The following CAMK2A variants were observed in gnomAD, a reference collection of about 807,000 sequenced individuals.
CAMK2A encodes calcium/calmodulin-dependent protein kinase type II subunit alpha.
A neutral mutation model predicts 79.2 loss-of-function variants in CAMK2A; 7 were observed. That is an observed-to-expected ratio of 0.09 (90% CI 0.05 to 0.17). The LOEUF is 0.17. CAMK2A is among the 10% of genes least tolerant of loss of function. The probability of loss-of-function intolerance (pLI) is 1.00; values close to 1 mark genes in which losing one functional copy is unlikely to be tolerated. For synonymous variants in CAMK2A, 242 were observed against 251.7 expected (o/e 0.96, Z 0.36); for missense variants, 214 against 646.4 (o/e 0.33, Z 7.25).
intron 15 of CAMK2A, among the ~76,000 whole-genome samples, chr5:150,233,810 T>C (rs1754947106): frequency 6.6e-6 from 1 of 152,220 alleles, no homozygotes; most frequent in East Asian, 1.9e-4. Context: ...TGTTTGTTTG[T>C]TTTTTGTTTT....
intron 14 of CAMK2A, among the ~76,000 whole-genome samples, chr5:150,239,137 G>T (rs1755225467): frequency 6.6e-6 from 1 of 152,150 alleles, no homozygotes; most frequent in South Asian, 2.1e-4. Flanking sequence ...CCCAGTGTGA[G>T]AGATGGTGGG....
intron 3 of CAMK2A, among the ~76,000 whole-genome samples, chr5:150,259,069 A>G (rs574949689): frequency 4.0e-5 from 6 of 151,880 alleles, no homozygotes; most frequent in African/African-American, 1.4e-4. Context: ...AATCCCAGCT[A>G]CTCCAGAGGC....
chr5:150,222,478 C>T lies in CAMK2A; in HGVS notation c.*232G>A. ...CACCCATGCCTGAGGAAGCCCCAGC[C>T]TGGCAGGGGAGAGGGTGGGGGTGAG... On this transcript the variant is annotated 3_prime_UTR_variant, in exon 19 of 19. Transcript: ENST00000671881. 1.4e-6 allele frequency: 1 copy of T among 703,736 alleles called. No individual in the cohort carries two copies. Among genetic ancestry groups the T allele is most frequent in the Non-Finnish European group, 2.6e-6 (1 of 385,830 alleles). The allele number at this position is 703,736 out of a possible 1,614,324, so 43.6% of individuals were successfully genotyped here.
At chr5:150,246,548 C>G (rs1359146584) in intron 12 of CAMK2A, among the ~76,000 whole-genome samples, 1 of 152,220 alleles carries the variant, frequency 6.6e-6, no homozygotes, top group Non-Finnish European at 1.5e-5. Context: ...CCTACCTCCA[C>G]AAAGCATATC....
At chr5:150,274,893 C>T (rs914785089) in intron 1 of CAMK2A, among the ~76,000 whole-genome samples, 1 of 152,214 alleles carries the variant, frequency 6.6e-6, no homozygotes, top group African/African-American at 2.4e-5. Context: ...ACTTGGATGC[C>T]CCATCCCAAG....
At chr5:150,248,207 G>A (rs1425261341) in intron 11 of CAMK2A, among the ~76,000 whole-genome samples, 1 of 151,822 alleles carries the variant, frequency 6.6e-6, no homozygotes, top group Non-Finnish European at 1.5e-5. Context: ...CCACCTCTTA[G>A]CCCTCTGCCC....
chr5:150,272,022 A>C (rs1012700710), intron 2 of CAMK2A, among the ~76,000 whole-genome samples: 1 of 152,104 alleles, frequency 6.6e-6, no homozygotes, highest in Admixed American at 6.6e-5. Flanking sequence ...ATCTTTTCCA[A>C]AACCCAGATC....
At chr5:150,270,466 G>A (rs1384505850) in intron 2 of CAMK2A, among the ~76,000 whole-genome samples, 1 of 152,180 alleles carries the variant, frequency 6.6e-6, no homozygotes, top group African/African-American at 2.4e-5. Flanking sequence ...TGGGCAGGGT[G>A]GGCAAAAGAA....
At chr5:150,239,856 C>T (rs1374479410) in intron 13 of CAMK2A, 120 bp from the exon 14 acceptor site, 12 of 839,892 alleles carry the variant, frequency 1.4e-5, no homozygotes, top group Non-Finnish European at 2.5e-5. Flanking sequence ...CCTCTGTAGT[C>T]CTTTGTCGGC....
chr5:150,251,673 A>G, intron 9 of CAMK2A, 77 bp downstream of exon 9: 1 of 1,138,412 alleles, frequency 8.8e-7, no homozygotes, highest in Non-Finnish European at 1.2e-6. Context: ...TGCCAGAACT[A>G]GAGAGTGGCT....
rs1204157529 is a variant in CAMK2A at position 150,221,418 on chromosome 5, C to T, written c.*1292G>A. 2.5e-6 allele frequency: 1 copy of T among 398,648 alleles called. No individual in the cohort carries two copies. 24.7% of individuals were successfully genotyped at this position (398,648 alleles called of 1,614,324 possible). On this transcript the variant is annotated 3_prime_UTR_variant, in exon 19 of 19. Coordinates refer to ENST00000671881, the MANE Select transcript of CAMK2A (RefSeq NM_015981.4). ...GGGAGAGAGGCAATGAAGACACACG[C>T]TCACGGGCCCCCCAGAGGTGGGTGG...
At position 150,222,205 on chromosome 5, in the gene CAMK2A, G is replaced by A. The variant is rs374631793; in HGVS notation, c.*505C>T. The A allele has an allele frequency of 5.6e-5, 24 of 427,608 alleles. No individual in the cohort carries two copies. The highest frequency in any genetic ancestry group is 2.1e-4 in the Admixed American group (6 of 28,928). 26.5% of individuals were successfully genotyped at this position (427,608 alleles called of 1,614,324 possible). On this transcript the variant is annotated 3_prime_UTR_variant, in exon 19 of 19. Coordinates refer to ENST00000671881, the MANE Select transcript of CAMK2A (RefSeq NM_015981.4). ...CACTTTGAGGCAGGAGGCTCCTGGC[G>A]TATGCTCTTCTCCCCACTCCTTCAG...
intron 1 of CAMK2A, among the ~76,000 whole-genome samples, chr5:150,281,593 T>C (rs751214504): frequency 3.9e-5 from 6 of 152,214 alleles, no homozygotes; most frequent in Non-Finnish European, 8.8e-5. Flanking sequence ...TTCATAGTCA[T>C]TGCTTTTTCC....
At position 150,221,554 on chromosome 5, in the gene CAMK2A, G is replaced by A. The variant is rs546006206; in HGVS notation, c.*1156C>T. The A allele has an allele frequency of 1.2e-4, 48 of 398,706 alleles. No individual in the cohort carries two copies. The highest frequency in any genetic ancestry group is 9.2e-4 in the African/African-American group (45 of 48,724). 24.7% of individuals were successfully genotyped at this position (398,706 alleles called of 1,614,324 possible). On this transcript the variant is annotated 3_prime_UTR_variant, in exon 19 of 19. Transcript: ENST00000671881. ...AGAAAAGTCCAGGTATTTCCATCCTGACAGCCTCCCTCCTCCTCTCTGCCC... is the reference window on the plus strand; with the variant it reads ...AGAAAAGTCCAGGTATTTCCATCCTAACAGCCTCCCTCCTCCTCTCTGCCC...
At chr5:150,278,164 C>A (rs1022683162) in intron 1 of CAMK2A, among the ~76,000 whole-genome samples, 1 of 152,040 alleles carries the variant, frequency 6.6e-6, no homozygotes, top group African/African-American at 2.4e-5. Flanking sequence ...GTAACTAGTG[C>A]AAAACACTTG....
At position 150,245,156 on chromosome 5, in the gene CAMK2A, C is replaced by T; in HGVS notation, c.984+5G>A. The stretch of plus-strand genomic sequence containing the variant: ...AAGCCCTGCCAGGCTCCTGGAGGGG[C>T]TTACCTTCACACCATCGCTCTTCTT... On this transcript the variant is annotated splice_donor_5th_base_variant and intron_variant, in intron 13 of 18. Transcript: ENST00000671881. 1.2e-6 allele frequency: 2 copies of T among 1,613,852 alleles called. No homozygotes were observed. The highest frequency in any genetic ancestry group is 1.7e-6 in the Non-Finnish European group (2 of 1,179,862).
Position 150,241,616 on chromosome 5 carries a change from GTCCTCTCCTC to G in CAMK2A, c.985-1890_985-1881del, listed in dbSNP as rs1444870147. 3.9e-4 allele frequency among the ~76,000 whole-genome samples: 37 copies of G among 94,016 alleles called. 2 individuals are homozygous for G. The highest frequency in any genetic ancestry group is 1.5e-3 in the African/African-American group (36 of 23,318). 61.7% of individuals were successfully genotyped at this position (94,016 alleles called of 152,430 possible). On this transcript the variant is annotated intron_variant, in intron 13 of 18. Coordinates refer to ENST00000671881, the MANE Select transcript of CAMK2A (RefSeq NM_015981.4). ...TCCTCTTCCTCTCCTCTCTTCTCCT[GTCCTCTCCTC>G]TCCTCCCCTCTCCTCCTTCTTTTCT...
chr5:150,266,013 A>AAGGGAGT (rs1756498531), intron 2 of CAMK2A, among the ~76,000 whole-genome samples: 1 of 152,110 alleles, frequency 6.6e-6, no homozygotes, highest in Non-Finnish European at 1.5e-5. Context: ...GTGCCTTTCT[A>AAGGGAGT]AGGGAGTGGC....
intron 15 of CAMK2A, among the ~76,000 whole-genome samples, chr5:150,237,774 A>C (rs1755146087): frequency 6.6e-6 from 1 of 152,248 alleles, no homozygotes; most frequent in African/African-American, 2.4e-5. Context: ...TAAGGTGCTG[A>C]GACCGGGGCT....
Sources: gnomAD v4.1 joint callset for allele counts (sites outside exome capture counted in the v4.1 genomes callset) on GRCh38, gnomAD v4.1.1 for gene constraint, MANE v1.5 for transcripts, NCBI Gene and HGNC (gene_info 2026-07-23, HGNC 2026-07-21) for gene names.